CTTNBP2: variants seen among roughly 807,000 people sequenced by gnomAD.
CTTNBP2 encodes the protein cortactin binding protein 2, also known as cortactin-binding protein 2.
Under a neutral mutation model 156.9 loss-of-function variants are expected in CTTNBP2, and 108 were observed. That is an observed-to-expected ratio of 0.69 (90% CI 0.59 to 0.81). The LOEUF (loss-of-function observed/expected upper bound fraction) is 0.81, where lower values mean the gene tolerates loss of function less well. Ranked by LOEUF, CTTNBP2 falls within the 30% of genes least tolerant of loss-of-function variation. CTTNBP2 has a pLI of 0.00. For missense variants in CTTNBP2, 1,924 were observed against 2,035.4 expected, an observed-to-expected ratio of 0.95 and a Z score of 1.05; for synonymous variants, 767 against 751.8, an observed-to-expected ratio of 1.02 and a Z score of -0.33.
intron 12 of CTTNBP2, among the ~76,000 whole-genome samples, chr7:117,747,044 G>A (rs563495926): frequency 1.9e-4 from 29 of 152,234 alleles, no homozygotes; most frequent in African/African-American, 7.0e-4. Context: ...CCTGCACCCT[G>A]CCCAGCACAC....
At chr7:117,715,328 A>G (rs996754824) in intron 22 of CTTNBP2, among the ~76,000 whole-genome samples, 1 of 152,172 alleles carries the variant, frequency 6.6e-6, no homozygotes, top group Admixed American at 6.5e-5. Flanking sequence ...TTGGAAAGAA[A>G]GAAATGGGTG....
At chr7:117,782,116 T>C (rs922302961) in intron 6 of CTTNBP2, among the ~76,000 whole-genome samples, 1 of 152,220 alleles carries the variant, frequency 6.6e-6, no homozygotes, top group African/African-American at 2.4e-5. Flanking sequence ...CTGGAATTTG[T>C]TAAAGAACAT....
intron 2 of CTTNBP2, among the ~76,000 whole-genome samples, chr7:117,817,691 T>G (rs1438075439): frequency 6.6e-6 from 1 of 151,964 alleles, no homozygotes; most frequent in Non-Finnish European, 1.5e-5. Flanking sequence ...GACAAGCTTA[T>G]AAGCTTTTCA....
Position 117,782,919 on chromosome 7 carries a change from G to A in CTTNBP2, c.2315C>T (p.Ala772Val), listed in dbSNP as rs1366073446. ...GGGTGTGAAGCCATTTTTATCAGCA[G>A]CATTGACTTGGGCTTCTGCACTCAG... is the stretch of plus-strand genomic sequence containing the variant. ...LLLSAEAQVN[A>V]ADKNGFTPLC... Residue 772 changes from alanine to valine, a missense_variant, in exon 6 of 23, where the codon GCT (alanine) becomes GTT (valine). Coordinates refer to ENST00000160373, the MANE Select transcript of CTTNBP2 (RefSeq NM_033427.3). 1 of 1,614,096 alleles carries A rather than the reference G, an allele frequency of 6.2e-7. No individual in the cohort carries two copies. The highest frequency in any genetic ancestry group is 1.7e-5 in the Admixed American group (1 of 60,010).
At chr7:117,782,133 C>G (rs531169298) in intron 6 of CTTNBP2, among the ~76,000 whole-genome samples, 2 of 152,196 alleles carry the variant, frequency 1.3e-5, no homozygotes, top group African/African-American at 4.8e-5. Context: ...ACATTCCTAT[C>G]GGGACAGTTA....
intron 2 of CTTNBP2, among the ~76,000 whole-genome samples, chr7:117,854,443 C>T (rs1417248599): frequency 2.0e-5 from 3 of 152,124 alleles, no homozygotes; most frequent in Non-Finnish European, 2.9e-5. Context: ...GCATACTCTG[C>T]GGCTGCTTTT....
intron 16 of CTTNBP2, among the ~76,000 whole-genome samples, chr7:117,730,030 C>T (rs569548898): frequency 6.6e-5 from 10 of 152,274 alleles, no homozygotes; most frequent in African/African-American, 2.2e-4. Flanking sequence ...AGTAAACAGT[C>T]TATGTAACTG....
At chr7:117,856,162 A>C (rs1345932574) in intron 2 of CTTNBP2, among the ~76,000 whole-genome samples, 1 of 152,228 alleles carries the variant, frequency 6.6e-6, no homozygotes, top group Non-Finnish European at 1.5e-5. Context: ...GCAACTAGGA[A>C]AAGTTCCATG....
intron 2 of CTTNBP2, among the ~76,000 whole-genome samples, chr7:117,848,803 T>C (rs1023186365): frequency 4.6e-5 from 7 of 152,226 alleles, no homozygotes; most frequent in Admixed American, 2.6e-4. Context: ...CTAATTTTTA[T>C]AGACTTACAT....
chr7:117,836,266 A>G (rs184198961), intron 2 of CTTNBP2, among the ~76,000 whole-genome samples: 2 of 152,282 alleles, frequency 1.3e-5, no homozygotes, highest in South Asian at 2.1e-4. Context: ...TTTTCTTTTT[A>G]TAAAACTGAA....
In CTTNBP2 at chr7:117,780,631, T is replaced by C. The variant is rs571878542; in HGVS notation, c.2373-40A>G. 397 of 1,408,356 alleles carry C rather than the reference T, an allele frequency of 2.8e-4. 2 individuals are homozygous for C. In the South Asian group the frequency reaches 5.8e-3, roughly 21 times the overall value. The allele number at this position is 1,408,356 out of a possible 1,614,324, so 87.2% of individuals were successfully genotyped here. A position where few individuals can be genotyped will look rare whatever the true frequency, so the allele number is the denominator to read the frequency against. ...AGGATTAATTACATAAAACCTGGGT[T>C]TGACCTTTGAAGCACCACCTAACCA... On this transcript the variant is annotated intron_variant, in intron 6 of 22. Transcript: ENST00000160373.
intron 7 of CTTNBP2, among the ~76,000 whole-genome samples, chr7:117,779,297 G>GA (rs942769992): frequency 1.3e-5 from 2 of 151,782 alleles, no homozygotes; most frequent in South Asian, 2.1e-4. Flanking sequence ...ACCACTTCTG[G>GA]AAAAAAAATT....
rs753382076 is a variant in CTTNBP2 at position 117,717,968 on chromosome 7, A to ATTCCACAGCAATCATCC, written c.4746+33_4746+49dup. 6.1e-6 allele frequency: 7 copies of ATTCCACAGCAATCATCC among 1,155,968 alleles called. No homozygotes were observed. In the African/African-American group the frequency reaches 1.1e-4, roughly 17 times the overall value. The allele number at this position is 1,155,968 out of a possible 1,614,324, so 71.6% of individuals were successfully genotyped here. A position where few individuals can be genotyped will look rare whatever the true frequency, so the allele number is the denominator to read the frequency against. ...CACTGAAAGATGATTTGTGAAGTCAATTCCACAGCAATCATCCTTTGTTCA... is the reference window on the plus strand; with the variant it reads ...CACTGAAAGATGATTTGTGAAGTCAATTCCACAGCAATCATCCTTCCACAGCAATCATCCTTTGTTCA... On this transcript the variant is annotated intron_variant, in intron 22 of 22. Transcript: ENST00000160373.
intron 7 of CTTNBP2, among the ~76,000 whole-genome samples, chr7:117,779,934 A>G (rs1008074943): frequency 6.6e-6 from 1 of 151,732 alleles, no homozygotes; most frequent in African/African-American, 2.4e-5. Context: ...TTAATTTTCT[A>G]TTTTCAGTAG....
chr7:117,828,065 C>T (rs1018010585), intron 2 of CTTNBP2, among the ~76,000 whole-genome samples: 1 of 152,168 alleles, frequency 6.6e-6, no homozygotes, highest in African/African-American at 2.4e-5. Flanking sequence ...ACATTCTCAC[C>T]ATCTACCAGC....
intron 22 of CTTNBP2, among the ~76,000 whole-genome samples, chr7:117,712,807 G>A (rs1794130504): frequency 6.6e-6 from 1 of 152,156 alleles, no homozygotes; most frequent in Admixed American, 6.5e-5. Context: ...GTTCTGGGGT[G>A]TGGCATGGAC....
At chr7:117,776,383 T>C (rs1296118067) in intron 8 of CTTNBP2, among the ~76,000 whole-genome samples, 1 of 152,212 alleles carries the variant, frequency 6.6e-6, no homozygotes, top group African/African-American at 2.4e-5. Flanking sequence ...TTTTGTTCCT[T>C]TGTACAAAAC....
At chr7:117,773,778 G>A (rs1294871428) in intron 8 of CTTNBP2, among the ~76,000 whole-genome samples, 1 of 151,546 alleles carries the variant, frequency 6.6e-6, no homozygotes, top group Non-Finnish European at 1.5e-5. Flanking sequence ...AGTGAGAAAA[G>A]GGCAGTGTTC....
chr7:117,777,625 T>C lies in CTTNBP2; in HGVS notation c.2664A>G (p.Gly888=), dbSNP rs200761976. The C allele has an allele frequency of 6.2e-7, 1 of 1,613,976 alleles. No individual in the cohort carries two copies. The highest frequency in any genetic ancestry group is 1.7e-5 in the Admixed American group (1 of 59,994). Reference sequence around the variant, plus strand: ...ATATGCCTTCAGGACTCTCTTCTCCTCCATCCAAGTCAAAGACACTTGACT... The same window carrying C: ...ATATGCCTTCAGGACTCTCTTCTCCCCCATCCAAGTCAAAGACACTTGACT... ...ESESSVFDLD[G]GEESPEGISK... Residue 888 remains glycine (G), a synonymous_variant, in exon 8 of 23, where the codon GGA becomes GGG. Coordinates refer to ENST00000160373, the MANE Select transcript of CTTNBP2 (RefSeq NM_033427.3).
Sources: gnomAD v4.1 joint callset for allele counts (sites outside exome capture counted in the v4.1 genomes callset) on GRCh38, gnomAD v4.1.1 for gene constraint, MANE v1.5 for transcripts, NCBI Gene and HGNC (gene_info 2026-07-23, HGNC 2026-07-21) for gene names.